Variants in NUP37 observed in about 807,000 individuals in gnomAD.
The protein encoded by NUP37 is nucleoporin 37, also known as nucleoporin Nup37.
A neutral mutation model predicts 45.4 loss-of-function variants in NUP37; 33 were observed. The ratio of observed to expected loss-of-function variants is 0.73; its 90% confidence interval spans 0.55 to 0.97. The LOEUF is 0.97. Ranked by LOEUF, NUP37 falls within the 50% of genes least tolerant of loss-of-function variation. NUP37 has a pLI of 0.00. For synonymous variants in NUP37, 127 were observed against 130.7 expected, an observed-to-expected ratio of 0.97 and a Z score of 0.19; for missense variants, 365 against 389.7, an observed-to-expected ratio of 0.94 and a Z score of 0.53.
intron 6 of NUP37, among the ~76,000 whole-genome samples, chr12:102,078,160 T>C (rs1300239416): frequency 6.7e-6 from 1 of 148,558 alleles, no homozygotes; most frequent in Admixed American, 6.7e-5. Context: ...AAACCCCGTC[T>C]CTACTAAAAA....
chr12:102,089,382 T>G (rs2136725564), intron 5 of NUP37, among the ~76,000 whole-genome samples: 1 of 139,356 alleles, frequency 7.2e-6, no homozygotes, highest in African/African-American at 2.8e-5. Context: ...GCAGAGGCAC[T>G]CCTCACATCC....
intron 3 of NUP37, among the ~76,000 whole-genome samples, chr12:102,102,530 G>A (rs1880002382): frequency 6.6e-6 from 1 of 152,122 alleles, no homozygotes; most frequent in Non-Finnish European, 1.5e-5. Context: ...TGTATGATTT[G>A]CAAATATTTT....
chr12:102,083,100 AAG>A (rs1291339949), intron 6 of NUP37, among the ~76,000 whole-genome samples: 3 of 152,342 alleles, frequency 2.0e-5, no homozygotes, highest in African/African-American at 4.8e-5. Flanking sequence ...ATATGGAAGA[AAG>A]AGATAAAAAA....
intron 7 of NUP37, 135 bp from the exon 8 acceptor site, chr12:102,076,982 A>G (rs1879189003): frequency 1.5e-6 from 1 of 673,334 alleles, no homozygotes; most frequent in African/African-American, 1.8e-5. Context: ...TAAACAAGCA[A>G]TCAGTTAAAA....
intron 5 of NUP37, among the ~76,000 whole-genome samples, chr12:102,091,728 A>G (rs1046979687): frequency 1.3e-5 from 2 of 152,192 alleles, no homozygotes; most frequent in Non-Finnish European, 2.9e-5. Flanking sequence ...AAATAAAATG[A>G]CAGTTTTCAT....
chr12:102,077,177 A>T, intron 7 of NUP37, 145 bp downstream of exon 7: 1 of 791,146 alleles, frequency 1.3e-6, no homozygotes, highest in South Asian at 1.6e-5. Context: ...GTTATATAAA[A>T]ATCCATAGCT....
rs1491127161 is a variant in NUP37 at position 102,073,252 on chromosome 12, CTG to C, written c.*1100_*1101del. On this transcript the variant is annotated 3_prime_UTR_variant, in exon 10 of 10. Transcript: ENST00000552283. ...AAAATGTATTGGATTCTGTATGTGA[CTG>C]ACAAGCAGAACCATAATTTTATATG... 6.6e-6 allele frequency: 1 copy of C among 152,150 alleles called. No individual in the cohort carries two copies. The highest frequency in any genetic ancestry group is 1.5e-5 in the Non-Finnish European group (1 of 68,026). The allele number at this position is 152,150 out of a possible 1,614,324, so 9.4% of individuals were successfully genotyped here. A position where few individuals can be genotyped will look rare whatever the true frequency, so the allele number is the denominator to read the frequency against.
chr12:102,112,324 G>T, intron 2 of NUP37, 92 bp from the exon 3 acceptor site: 4 of 1,057,712 alleles, frequency 3.8e-6, no homozygotes, highest in Non-Finnish European at 5.2e-6. Flanking sequence ...AGGAGGTTAT[G>T]CTTATGCTTT....
intron 5 of NUP37, among the ~76,000 whole-genome samples, chr12:102,097,157 T>C (rs139831841): frequency 2.4e-4 from 36 of 152,186 alleles, no homozygotes; most frequent in African/African-American, 8.2e-4. Flanking sequence ...GGCAAAACAT[T>C]TGAAGCTTCT....
At chr12:102,090,162 CTT>C (rs1879606462) in intron 5 of NUP37, among the ~76,000 whole-genome samples, 1 of 152,048 alleles carries the variant, frequency 6.6e-6, no homozygotes, top group African/African-American at 2.4e-5. Context: ...CTAAAACAGT[CTT>C]AATCATTTAT....
intron 2 of NUP37, among the ~76,000 whole-genome samples, chr12:102,116,864 T>C (rs1378368253): frequency 1.3e-5 from 2 of 152,084 alleles, no homozygotes; most frequent in African/African-American, 4.8e-5. Flanking sequence ...TAGCTGGGCA[T>C]GGTGGCACGT....
intron 7 of NUP37, 56 bp from the exon 8 acceptor site, chr12:102,076,903 CTTAAGGT>C: frequency 7.8e-7 from 1 of 1,273,944 alleles, no homozygotes; most frequent in Non-Finnish European, 1.1e-6. Flanking sequence ...AGTGGGTGAA[CTTAAGGT>C]TTAAACAGTA....
chr12:102,112,210 C>A lies in NUP37; in HGVS notation c.179G>T (p.Gly60Val). The part of the protein sequence containing the change: ...TFQEEEADVE[G>V]IQYKTLRTFH... ...TGTTCGAAGTGTTTTATACTGAATG[C>A]CTTCAACGTCTGCTTCTTCTTCCTA... The change falls in exon 3 of 10, where the codon GGC (glycine) becomes GTC (valine). Residue 60 changes from glycine (G) to valine (V), a missense_variant. By Grantham distance (109) the Gly-to-Val change is moderately radical. Transcript: ENST00000552283. 6.2e-7 allele frequency: 1 copy of A among 1,612,858 alleles called. No homozygotes were observed. Among genetic ancestry groups the A allele is most frequent in the Non-Finnish European group, 8.5e-7 (1 of 1,179,100 alleles).
chr12:102,109,946 T>C (rs1880263232), intron 3 of NUP37, among the ~76,000 whole-genome samples: 1 of 152,230 alleles, frequency 6.6e-6, no homozygotes, highest in Non-Finnish European at 1.5e-5. Flanking sequence ...GTGACCACTT[T>C]CTTTTAATAT....
At position 102,074,283 on chromosome 12, in the gene NUP37, T is replaced by G; in HGVS notation, c.*71A>C. 1.2e-6 allele frequency: 1 copy of G among 850,284 alleles called. No individual in the cohort carries two copies. The allele number at this position is 850,284 out of a possible 1,614,324, so 52.7% of individuals were successfully genotyped here. A position where few individuals can be genotyped will look rare whatever the true frequency, so the allele number is the denominator to read the frequency against. ...TTTGATATAAAAATTCTTCAAAATA[T>G]GTACTATAGAAATTCTTCAAAATAT... On this transcript the variant is annotated 3_prime_UTR_variant, in exon 10 of 10. Transcript: ENST00000552283.
At chr12:102,083,885 T>C (rs920388936) in intron 6 of NUP37, among the ~76,000 whole-genome samples, 1 of 152,164 alleles carries the variant, frequency 6.6e-6, no homozygotes. Flanking sequence ...GTGTTGAAAA[T>C]ATCCCTGGTA....
intron 3 of NUP37, among the ~76,000 whole-genome samples, chr12:102,103,237 A>G (rs1880025849): frequency 6.6e-6 from 1 of 152,170 alleles, no homozygotes; most frequent in Non-Finnish European, 1.5e-5. Context: ...TGAACACAGG[A>G]TATCTTTCCA....
At chr12:102,082,343 G>A (rs939146000) in intron 6 of NUP37, among the ~76,000 whole-genome samples, 4 of 151,918 alleles carry the variant, frequency 2.6e-5, no homozygotes, top group Non-Finnish European at 5.9e-5. Context: ...TTTCATCAAG[G>A]CCAAGCATAA....
intron 3 of NUP37, among the ~76,000 whole-genome samples, chr12:102,107,859 G>A: frequency 6.6e-6 from 1 of 152,134 alleles, no homozygotes. Flanking sequence ...AAAAAAGCAA[G>A]GAGATGATTA....
Sources: gnomAD v4.1 joint callset for allele counts (sites outside exome capture counted in the v4.1 genomes callset) on GRCh38, gnomAD v4.1.1 for gene constraint, MANE v1.5 for transcripts, NCBI Gene and HGNC (gene_info 2026-07-23, HGNC 2026-07-21) for gene names.